TSHZ2: variants seen among roughly 807,000 people sequenced by gnomAD.
The protein encoded by TSHZ2 is teashirt zinc finger homeobox 2, also known as teashirt homolog 2.
In TSHZ2, 21 loss-of-function variants were observed where a neutral mutation model predicts 74.4. The observed-to-expected ratio is 0.28, with a 90% CI of 0.20 to 0.41. TSHZ2 has a LOEUF of 0.41. TSHZ2 is among the 10% of genes least tolerant of loss of function. The pLI, the probability that TSHZ2 is intolerant of heterozygous loss-of-function variation, is 1.00. For synonymous variants in TSHZ2, 540 were observed against 515.3 expected (o/e 1.05, Z -0.65); for missense variants, 1,244 against 1,293.5 (o/e 0.96, Z 0.59).
At chr20:53,288,483 A>C (rs1260590524) in intron 2 of TSHZ2, among the ~76,000 whole-genome samples, 2 of 152,104 alleles carry the variant, frequency 1.3e-5, no homozygotes, top group African/African-American at 2.4e-5. Context: ...TTGTTAATAG[A>C]AGTCTAGTTT....
chr20:53,140,312 G>A (rs1017947789), intron 1 of TSHZ2, among the ~76,000 whole-genome samples: 5 of 151,882 alleles, frequency 3.3e-5, no homozygotes, highest in East Asian at 1.9e-4. Flanking sequence ...AGGCTGAGGC[G>A]GGCAGATCAC....
chr20:53,190,129 A>ATTTTT (rs1187750796), intron 1 of TSHZ2, among the ~76,000 whole-genome samples: 3 of 87,822 alleles, frequency 3.4e-5, no homozygotes, highest in African/African-American at 1.5e-4. Flanking sequence ...ATATATATAT[A>ATTTTT]TATATATATT....
chr20:53,012,844 G>T (rs1397446439), intron 1 of TSHZ2, among the ~76,000 whole-genome samples: 4 of 152,072 alleles, frequency 2.6e-5, no homozygotes, highest in Non-Finnish European at 5.9e-5. Context: ...CTTCAGCTAA[G>T]ATCTCTCCTT....
At chr20:53,186,903 T>C (rs865775779) in intron 1 of TSHZ2, among the ~76,000 whole-genome samples, 1 of 149,962 alleles carries the variant, frequency 6.7e-6, no homozygotes, top group Non-Finnish European at 1.5e-5. Context: ...TAGGGTTTAA[T>C]ATATATATAT....
At chr20:53,407,376 T>C (rs1224134540) in intron 2 of TSHZ2, among the ~76,000 whole-genome samples, 1 of 152,216 alleles carries the variant, frequency 6.6e-6, no homozygotes, top group Non-Finnish European at 1.5e-5. Flanking sequence ...CTATCACAAG[T>C]GGCTCAATAT....
intron 2 of TSHZ2, among the ~76,000 whole-genome samples, chr20:53,271,997 A>C (rs1323715098): frequency 2.0e-5 from 3 of 151,942 alleles, no homozygotes; most frequent in Non-Finnish European, 4.4e-5. Flanking sequence ...AGGGCTGGGA[A>C]GTGAGTGGAG....
At chr20:53,264,078 T>A (rs1315883454) in intron 2 of TSHZ2, among the ~76,000 whole-genome samples, 1 of 152,226 alleles carries the variant, frequency 6.6e-6, no homozygotes, top group East Asian at 1.9e-4. Flanking sequence ...TACTAATACA[T>A]CTCTTGCCTT....
At chr20:53,381,742 G>A (rs1981865244) in intron 2 of TSHZ2, among the ~76,000 whole-genome samples, 1 of 152,154 alleles carries the variant, frequency 6.6e-6, no homozygotes, top group African/African-American at 2.4e-5. Flanking sequence ...TTGGCGATTT[G>A]TCTGGTCCTC....
At chr20:53,201,677 G>C (rs1464614172) in intron 1 of TSHZ2, among the ~76,000 whole-genome samples, 1 of 152,212 alleles carries the variant, frequency 6.6e-6, no homozygotes, top group Non-Finnish European at 1.5e-5. Flanking sequence ...CAAGGGACAA[G>C]GGTGAAGCTG....
chr20:53,198,113 G>A (rs1267114941), intron 1 of TSHZ2: 1 of 152,198 alleles, frequency 6.6e-6, no homozygotes, highest in Non-Finnish European at 1.5e-5. Context: ...AAATATCTGT[G>A]ATGGGGATCC....
intron 2 of TSHZ2, among the ~76,000 whole-genome samples, chr20:53,429,696 T>A (rs1445724004): frequency 6.6e-6 from 1 of 152,198 alleles, no homozygotes; most frequent in Non-Finnish European, 1.5e-5. Flanking sequence ...GTCAGGAGAA[T>A]CAAAAAATTC....
intron 2 of TSHZ2, among the ~76,000 whole-genome samples, chr20:53,444,465 G>A (rs1042471950): frequency 2.0e-5 from 3 of 152,216 alleles, no homozygotes; most frequent in East Asian, 1.9e-4. Flanking sequence ...CTCCAGTGCC[G>A]GTACTGCAGT....
intron 2 of TSHZ2, among the ~76,000 whole-genome samples, chr20:53,396,932 CT>C (rs1378293109): frequency 1.3e-5 from 2 of 151,010 alleles, no homozygotes; most frequent in Non-Finnish European, 2.9e-5. Context: ...ATGTAGAAAG[CT>C]GAAACTGGAT....
At chr20:53,371,670 G>A (rs1981476078) in intron 2 of TSHZ2, among the ~76,000 whole-genome samples, 1 of 152,140 alleles carries the variant, frequency 6.6e-6, no homozygotes, top group Non-Finnish European at 1.5e-5. Context: ...GAGACCAGGA[G>A]TTTCAGACCA....
intron 1 of TSHZ2, among the ~76,000 whole-genome samples, chr20:53,146,764 A>G (rs868394262): frequency 3.2e-4 from 49 of 152,184 alleles, no homozygotes; most frequent in African/African-American, 1.2e-3. Context: ...GTCTGTCTTA[A>G]GGTGACCAAG....
chr20:53,459,011 G>A (rs1431757805), intron 2 of TSHZ2, among the ~76,000 whole-genome samples: 1 of 152,118 alleles, frequency 6.6e-6, no homozygotes, highest in African/African-American at 2.4e-5. Context: ...AATAGGTGTG[G>A]TGCGGTGCTG....
At chr20:53,274,284 A>G (rs565299754) in intron 2 of TSHZ2, among the ~76,000 whole-genome samples, 2 of 152,304 alleles carry the variant, frequency 1.3e-5, no homozygotes, top group East Asian at 1.9e-4. Flanking sequence ...AAATAAATAA[A>G]TAAGTAAACC....
chr20:53,007,717 CGT>C (rs1045818495), intron 1 of TSHZ2, among the ~76,000 whole-genome samples: 1 of 142,702 alleles, frequency 7.0e-6, no homozygotes, highest in Non-Finnish European at 1.5e-5. Flanking sequence ...TATGTATACT[CGT>C]GTGTGTGTAT....
chr20:53,436,126 TGGCTG>T (rs11467765), intron 2 of TSHZ2, among the ~76,000 whole-genome samples: 24,796 of 152,006 alleles, frequency 0.16, 2,092 homozygotes, highest in East Asian at 0.29. Flanking sequence ...ATGGTTTCTA[TGGCTG>T]GGCTGTTTTT....
Sources: allele counts gnomAD v4.1 joint callset (sites outside exome capture counted in the v4.1 genomes callset), GRCh38; gene constraint gnomAD v4.1.1; transcripts MANE v1.5; gene names NCBI Gene and HGNC (gene_info 2026-07-23, HGNC 2026-07-21).